TAFA1: variants seen among roughly 807,000 people sequenced by gnomAD.
TAFA1 encodes chemokine-like protein TAFA-1.
A neutral mutation model predicts 18.5 loss-of-function variants in TAFA1; 4 were observed. That is an observed-to-expected ratio of 0.22 (90% CI 0.11 to 0.49). The LOEUF (loss-of-function observed/expected upper bound fraction) is 0.49, where lower values mean the gene tolerates loss of function less well. Ranked by LOEUF, TAFA1 falls within the 20% of genes least tolerant of loss-of-function variation. The pLI is 0.98. For missense variants in TAFA1, 147 were observed against 169.0 expected (o/e 0.87, Z 0.72); for synonymous variants, 56 against 55.2 (o/e 1.01, Z -0.06).
intron 2 of TAFA1, among the ~76,000 whole-genome samples, chr3:68,343,557 A>T (rs73838703): frequency 0.015 from 2,325 of 152,270 alleles, 50 homozygotes; most frequent in African/African-American, 0.052. Flanking sequence ...GTACCCATGG[A>T]TACTACAGTG....
chr3:68,012,587 A>G (rs1299796787), intron 2 of TAFA1, among the ~76,000 whole-genome samples: 1 of 152,232 alleles, frequency 6.6e-6, no homozygotes, highest in Non-Finnish European at 1.5e-5. Context: ...CTACAGTGGT[A>G]GTTAAATCTG....
intron 2 of TAFA1, among the ~76,000 whole-genome samples, chr3:68,267,297 G>A (rs777020780): frequency 6.6e-6 from 1 of 152,228 alleles, no homozygotes; most frequent in Middle Eastern, 3.4e-3. Flanking sequence ...ACCCATACTT[G>A]TATGCTAAGC....
chr3:68,239,490 A>G (rs980071842), intron 2 of TAFA1, among the ~76,000 whole-genome samples: 14 of 151,806 alleles, frequency 9.2e-5, no homozygotes, highest in Admixed American at 9.2e-4. Context: ...TTCACCCTTT[A>G]TCCAGGACAG....
At chr3:68,484,287 T>TA (rs2072295389) in intron 3 of TAFA1, among the ~76,000 whole-genome samples, 1 of 152,200 alleles carries the variant, frequency 6.6e-6, no homozygotes, top group Non-Finnish European at 1.5e-5. Flanking sequence ...GTGGTTACCA[T>TA]GTTGAACAGC....
At chr3:68,253,484 A>G (rs978066575) in intron 2 of TAFA1, among the ~76,000 whole-genome samples, 1 of 152,000 alleles carries the variant, frequency 6.6e-6, no homozygotes, top group Admixed American at 6.6e-5. Context: ...ATTGTTTCTC[A>G]CTTCTTTCTA....
chr3:68,387,717 C>G (rs2070134814), intron 2 of TAFA1, among the ~76,000 whole-genome samples: 1 of 151,892 alleles, frequency 6.6e-6, no homozygotes, highest in Non-Finnish European at 1.5e-5. Context: ...CTGCTGTAGT[C>G]AAAGATTCCC....
chr3:68,174,933 C>T (rs1467884261), intron 2 of TAFA1, among the ~76,000 whole-genome samples: 1 of 152,200 alleles, frequency 6.6e-6, no homozygotes, highest in Non-Finnish European at 1.5e-5. Flanking sequence ...ACCCAGGGTT[C>T]TCCATGCTGT....
At chr3:68,299,491 T>C (rs1421416909) in intron 2 of TAFA1, among the ~76,000 whole-genome samples, 2 of 152,182 alleles carry the variant, frequency 1.3e-5, no homozygotes, top group African/African-American at 2.4e-5. Flanking sequence ...AAGCAGAGCG[T>C]AAAAGTTTGG....
intron 2 of TAFA1, among the ~76,000 whole-genome samples, chr3:68,312,675 C>G (rs2068540257): frequency 6.6e-6 from 1 of 152,176 alleles, no homozygotes; most frequent in South Asian, 2.1e-4. Context: ...TTCAGCAAGT[C>G]TCTAGGAAGT....
chr3:68,012,067 C>T (rs186609240), intron 2 of TAFA1, among the ~76,000 whole-genome samples: 30 of 152,236 alleles, frequency 2.0e-4, no homozygotes. Flanking sequence ...TTGTTAATTT[C>T]TTAAAGTTTA....
At chr3:68,498,477 A>G (rs1374220263) in intron 3 of TAFA1, among the ~76,000 whole-genome samples, 1 of 152,132 alleles carries the variant, frequency 6.6e-6, no homozygotes, top group Non-Finnish European at 1.5e-5. Flanking sequence ...TTACAAAAGC[A>G]TATTGTTGCT....
chr3:68,215,589 A>C (rs1198912265), intron 2 of TAFA1, among the ~76,000 whole-genome samples: 1 of 152,076 alleles, frequency 6.6e-6, no homozygotes, highest in Non-Finnish European at 1.5e-5. Context: ...ACTGGGGAGA[A>C]AATATGTGCA....
intron 3 of TAFA1, among the ~76,000 whole-genome samples, chr3:68,432,253 C>T (rs1010666511): frequency 1.4e-4 from 21 of 151,850 alleles, no homozygotes; most frequent in Admixed American, 7.2e-4. Context: ...TGTCCTTAAA[C>T]GTATTACCCT....
intron 2 of TAFA1, among the ~76,000 whole-genome samples, chr3:68,389,977 C>T (rs999765475): frequency 1.3e-5 from 2 of 152,078 alleles, no homozygotes; most frequent in South Asian, 2.1e-4. Context: ...TTTCTTGTAC[C>T]CCAGTGGTGC....
chr3:68,399,970 A>G (rs2070457184), intron 2 of TAFA1, among the ~76,000 whole-genome samples: 2 of 152,164 alleles, frequency 1.3e-5, no homozygotes, highest in Non-Finnish European at 2.9e-5. Flanking sequence ...ATCTCTCCAA[A>G]GGTGAGCTCA....
At chr3:67,994,181 C>A in the TAFA1 span, among the ~76,000 whole-genome samples, 9 of 152,000 alleles carry the variant, frequency 5.9e-5, no homozygotes, top group Non-Finnish European at 1.3e-4. Context: ...TACAACATTT[C>A]AAAAATTAGG....
chr3:68,301,632 C>T (rs138215192), intron 2 of TAFA1, among the ~76,000 whole-genome samples: 45 of 151,982 alleles, frequency 3.0e-4, no homozygotes, highest in African/African-American at 9.9e-4. Context: ...TCTCTCTGCA[C>T]TGAAAAGATG....
intron 2 of TAFA1, among the ~76,000 whole-genome samples, chr3:68,110,856 A>G (rs2065254586): frequency 6.6e-6 from 1 of 152,178 alleles, no homozygotes; most frequent in Admixed American, 6.6e-5. Context: ...AGAGCCTACC[A>G]TTGGTGGGTT....
chr3:68,415,404 G>T (rs1273217146), intron 2 of TAFA1, among the ~76,000 whole-genome samples: 1 of 152,146 alleles, frequency 6.6e-6, no homozygotes, highest in East Asian at 1.9e-4. Context: ...ATGAACAAAG[G>T]TGGACGTGAG....
Sources: allele counts gnomAD v4.1 joint callset (sites outside exome capture counted in the v4.1 genomes callset), GRCh38; gene constraint gnomAD v4.1.1; transcripts MANE v1.5; gene names NCBI Gene and HGNC (gene_info 2026-07-23, HGNC 2026-07-21).